Variants in PLCL1 observed in about 807,000 individuals in gnomAD.
PLCL1 encodes the protein phospholipase C like 1 (inactive).
PLCL1 carries 41 observed loss-of-function variants against 84.4 expected under a neutral mutation model. That is an observed-to-expected ratio of 0.49 (90% confidence interval 0.38 to 0.63). The LOEUF is 0.63. Among genes scored for constraint, PLCL1 ranks in the 30% least tolerant of loss-of-function variants. The pLI is 0.00. For synonymous variants in PLCL1, 490 were observed against 488.3 expected (o/e 1.00, Z -0.05); for missense variants, 1,206 against 1,367.8 (o/e 0.88, Z 1.87).
intron 1 of PLCL1, among the ~76,000 whole-genome samples, chr2:197,967,750 A>G (rs992111140): frequency 1.3e-5 from 2 of 152,244 alleles, no homozygotes; most frequent in Admixed American, 6.5e-5. Flanking sequence ...TTTATTATCA[A>G]TAAAATGTCA....
chr2:197,822,299 A>G (rs1326762813), intron 1 of PLCL1, among the ~76,000 whole-genome samples: 1 of 152,206 alleles, frequency 6.6e-6, no homozygotes, highest in South Asian at 2.1e-4. Context: ...TAGGGAGCCA[A>G]TTTCATTTTC....
At chr2:197,980,723 A>G (rs1419556900) in intron 1 of PLCL1, among the ~76,000 whole-genome samples, 1 of 152,234 alleles carries the variant, frequency 6.6e-6, no homozygotes, top group Non-Finnish European at 1.5e-5. Flanking sequence ...TAAGCAAGAT[A>G]ATATCAGATC....
chr2:197,950,367 C>T (rs1378438102), intron 1 of PLCL1, among the ~76,000 whole-genome samples: 1 of 152,130 alleles, frequency 6.6e-6, no homozygotes, highest in Non-Finnish European at 1.5e-5. Flanking sequence ...CTGAATTCAG[C>T]CAGACCTCTA....
At chr2:198,064,972 G>C (rs1299916293) in intron 1 of PLCL1, among the ~76,000 whole-genome samples, 1 of 152,086 alleles carries the variant, frequency 6.6e-6, no homozygotes, top group Non-Finnish European at 1.5e-5. Flanking sequence ...TTGAAATACA[G>C]AATAAGACTG....
chr2:198,138,937 C>T (rs1436167985), intron 5 of PLCL1, among the ~76,000 whole-genome samples: 1 of 152,032 alleles, frequency 6.6e-6, no homozygotes. Flanking sequence ...AGGTGGATCA[C>T]CTGAGGTCAG....
At chr2:197,863,203 T>C (rs1408209377) in intron 1 of PLCL1, among the ~76,000 whole-genome samples, 5 of 151,936 alleles carry the variant, frequency 3.3e-5, no homozygotes, top group Non-Finnish European at 5.9e-5. Context: ...TTCACGCAAT[T>C]ATTTAGCAAT....
chr2:198,129,391 G>GT (rs1280714455), intron 5 of PLCL1, among the ~76,000 whole-genome samples: 1 of 152,044 alleles, frequency 6.6e-6, no homozygotes, highest in Non-Finnish European at 1.5e-5. Flanking sequence ...TTGATTCCAG[G>GT]TTTTTTAGAT....
chr2:197,845,798 G>A (rs903403203), intron 1 of PLCL1, among the ~76,000 whole-genome samples: 7 of 152,100 alleles, frequency 4.6e-5, no homozygotes, highest in African/African-American at 1.4e-4. Context: ...TAAATTAGAT[G>A]AGAATGTTGA....
chr2:197,831,845 GA>G (rs1691074693), intron 1 of PLCL1, among the ~76,000 whole-genome samples: 1 of 152,160 alleles, frequency 6.6e-6, no homozygotes. Flanking sequence ...AATCAAATTA[GA>G]ACTCATGATT....
intron 1 of PLCL1, among the ~76,000 whole-genome samples, chr2:197,871,059 A>G (rs1324545163): frequency 1.3e-5 from 2 of 152,118 alleles, no homozygotes; most frequent in Non-Finnish European, 2.9e-5. Context: ...TGTTAGAGGC[A>G]GAGATACTTC....
At chr2:197,956,221 T>C (rs900929883) in intron 1 of PLCL1, among the ~76,000 whole-genome samples, 1 of 152,146 alleles carries the variant, frequency 6.6e-6, no homozygotes, top group Non-Finnish European at 1.5e-5. Context: ...AGTTTATCAT[T>C]GATGAATATT....
chr2:198,074,015 T>C (rs73984134), intron 1 of PLCL1, among the ~76,000 whole-genome samples: 6,890 of 152,276 alleles, frequency 0.045, 505 homozygotes, highest in African/African-American at 0.16. Context: ...CTACAGAATA[T>C]TTTTTGTAAT....
intron 1 of PLCL1, among the ~76,000 whole-genome samples, chr2:198,054,557 T>C (rs901707574): frequency 6.6e-6 from 1 of 152,194 alleles, no homozygotes; most frequent in East Asian, 1.9e-4. Context: ...TGTAACTTTT[T>C]TGGGAGTAGA....
At chr2:197,996,298 A>G (rs954613052) in intron 1 of PLCL1, among the ~76,000 whole-genome samples, 2 of 152,140 alleles carry the variant, frequency 1.3e-5, no homozygotes, top group Non-Finnish European at 2.9e-5. Context: ...CTAAGGAAAA[A>G]TCTGAGGAAC....
At chr2:198,143,626 A>G (rs553959509) in intron 5 of PLCL1, among the ~76,000 whole-genome samples, 1 of 152,256 alleles carries the variant, frequency 6.6e-6, no homozygotes, top group South Asian at 2.1e-4. Context: ...CAGCATGCCA[A>G]GGGAAAATGC....
intron 1 of PLCL1, among the ~76,000 whole-genome samples, chr2:198,072,976 C>T (rs1457805173): frequency 6.6e-6 from 1 of 152,044 alleles, no homozygotes; most frequent in East Asian, 1.9e-4. Flanking sequence ...TTTTCCTTGA[C>T]ACAGCCCTAT....
At position 198,001,819 on chromosome 2, in the gene PLCL1, A is replaced by G. The variant is rs1254395138; in HGVS notation, c.241-81939A>G. On this transcript the variant is annotated intron_variant, in intron 1 of 5. Coordinates refer to ENST00000428675, the MANE Select transcript of PLCL1 (RefSeq NM_006226.4). Reference sequence around the variant, plus strand: ...CCACCTGAGCTCTGCCTCCTGTCAGATCAGTGGCGGCATTAGATTCTCATA... The same window carrying G: ...CCACCTGAGCTCTGCCTCCTGTCAGGTCAGTGGCGGCATTAGATTCTCATA... The G allele has an allele frequency of 3.2e-5, 6 of 187,128 alleles. No individual in the cohort carries two copies. In the East Asian group the frequency reaches 8.1e-4, roughly 25 times the overall value. The allele number at this position is 187,128 out of a possible 1,614,324, so 11.6% of individuals were successfully genotyped here.
At chr2:198,111,975 G>T (rs780255691) in intron 5 of PLCL1, among the ~76,000 whole-genome samples, 5 of 151,812 alleles carry the variant, frequency 3.3e-5, no homozygotes, top group Non-Finnish European at 7.4e-5. Flanking sequence ...AGTAGTCAGT[G>T]GTTAGTGCAG....
chr2:197,933,039 A>G (rs1688972977), intron 1 of PLCL1, among the ~76,000 whole-genome samples: 1 of 152,214 alleles, frequency 6.6e-6, no homozygotes, highest in African/African-American at 2.4e-5. Flanking sequence ...TGAGAGGAGC[A>G]GTTATTGGCT....
Sources: allele counts gnomAD v4.1 joint callset (sites outside exome capture counted in the v4.1 genomes callset), GRCh38; gene constraint gnomAD v4.1.1; transcripts MANE v1.5; gene names NCBI Gene and HGNC (gene_info 2026-07-23, HGNC 2026-07-21).